ZRSR2: variants seen among roughly 807,000 people sequenced by gnomAD.
ZRSR2 encodes the protein U2 small nuclear ribonucleoprotein auxiliary factor 35 kDa subunit-related protein 2.
A neutral mutation model predicts 39.4 loss-of-function variants in ZRSR2; 3 were observed. The observed-to-expected ratio is 0.08, with a 90% confidence interval of 0.03 to 0.20. The LOEUF (loss-of-function observed/expected upper bound fraction) is 0.20, where lower values mean the gene tolerates loss of function less well. Ranked by LOEUF, ZRSR2 falls within the 10% of genes least tolerant of loss-of-function variation. The pLI is 1.00. For missense variants in ZRSR2, 256 were observed against 391.5 expected (o/e 0.65, Z 2.92); for synonymous variants, 137 against 136.0 (o/e 1.01, Z -0.05).
intron 6 of ZRSR2, among the ~76,000 whole-genome samples, chrX:15,808,607 T>C (rs1358657640): frequency 9.3e-6 from 1 of 107,964 alleles, no homozygotes; most frequent in South Asian, 4.0e-4. Flanking sequence ...CTTGGACCCT[T>C]TTTTTTCTCT....
intron 2 of ZRSR2, among the ~76,000 whole-genome samples, chrX:15,794,625 G>A (rs1014392697): frequency 9.0e-6 from 1 of 111,725 alleles, no homozygotes; most frequent in African/African-American, 3.3e-5. Context: ...AGGCCGAGGA[G>A]GAAGAGGATG....
intron 10 of ZRSR2, among the ~76,000 whole-genome samples, chrX:15,820,706 G>C (rs761626218): frequency 2.3e-4 from 26 of 112,274 alleles, no homozygotes; most frequent in South Asian, 3.7e-4. Flanking sequence ...CTGTTTGTTT[G>C]TTTCTTTCTT....
chrX:15,811,670 C>T (rs1002020112), intron 7 of ZRSR2, among the ~76,000 whole-genome samples: 3 of 112,091 alleles, frequency 2.7e-5, no homozygotes, highest in South Asian at 3.7e-4. Flanking sequence ...TTGTGATCCA[C>T]GTGCCTCGGC....
Position 15,790,597 on chromosome X carries a change from G to C in ZRSR2, c.41+61G>C, listed in dbSNP as rs1336368732. The C allele has an allele frequency of 4.4e-6, 5 of 1,137,675 alleles. No individual in the cohort carries two copies. The East Asian group carries it at 1.7e-4, about 38-fold the overall frequency. 93.8% of individuals were successfully genotyped at this position (1,137,675 alleles called of 1,213,427 possible). On this transcript the variant is annotated intron_variant, in intron 1 of 10. Coordinates refer to ENST00000307771, the MANE Select transcript of ZRSR2 (RefSeq NM_005089.4). ...GCCGATCGTGGGCATGGAGGATGTG[G>C]TGGCAGGAAGAAAAGAGAAGCTGGG... is the stretch of plus-strand genomic sequence containing the variant.
Position 15,823,244 on chromosome X carries a change from C to A in ZRSR2, c.*2C>A. On this transcript the variant is annotated 3_prime_UTR_variant, in exon 11 of 11. Coordinates refer to ENST00000307771, the MANE Select transcript of ZRSR2 (RefSeq NM_005089.4). Reference sequence around the variant, plus strand: ...GTTCAGAGTCCCAAATCCAAATAAACTAGTTTTGTTCTTAAATGATTGTAT... The same window carrying A: ...GTTCAGAGTCCCAAATCCAAATAAAATAGTTTTGTTCTTAAATGATTGTAT... The A allele has an allele frequency of 4.4e-6, 5 of 1,145,324 alleles. No homozygotes were observed. Among genetic ancestry groups the A allele is most frequent in the Non-Finnish European group, 5.8e-6 (5 of 864,834 alleles). 94.4% of individuals were successfully genotyped at this position (1,145,324 alleles called of 1,213,427 possible).
chrX:15,809,170 C>T (rs757981760), intron 6 of ZRSR2, 30 bp from the exon 7 acceptor site: 22 of 1,031,208 alleles, frequency 2.1e-5, no homozygotes, highest in Middle Eastern at 5.0e-4. Flanking sequence ...GTTTTTACTC[C>T]ACCAGTAAAG....
At chrX:15,817,372 A>G (rs1430017409) in intron 8 of ZRSR2, among the ~76,000 whole-genome samples, 1 of 111,869 alleles carries the variant, frequency 8.9e-6, no homozygotes, top group African/African-American at 3.2e-5. Context: ...GGATACCCTA[A>G]GAAAAATACT....
intron 6 of ZRSR2, among the ~76,000 whole-genome samples, chrX:15,808,522 G>C (rs1450465728): frequency 9.0e-6 from 1 of 111,234 alleles, no homozygotes; most frequent in South Asian, 3.8e-4. Flanking sequence ...ATCACATACC[G>C]TTAGCCTCCA....
intron 2 of ZRSR2, among the ~76,000 whole-genome samples, chrX:15,795,287 C>G (rs1483232642): frequency 1.8e-5 from 2 of 110,575 alleles, no homozygotes; most frequent in Admixed American, 9.7e-5. Flanking sequence ...TCTTGATACT[C>G]TCTGTATTAG....
At chrX:15,791,364 TATTA>T (rs1268399231) in intron 2 of ZRSR2, among the ~76,000 whole-genome samples, 1 of 112,465 alleles carries the variant, frequency 8.9e-6, no homozygotes, top group African/African-American at 3.2e-5. Context: ...GAGTTGAAGG[TATTA>T]ATTAGACGTT....
At chrX:15,796,756 G>A (rs1382974540) in intron 2 of ZRSR2, among the ~76,000 whole-genome samples, 4 of 98,550 alleles carry the variant, frequency 4.1e-5, no homozygotes, top group African/African-American at 1.5e-4. Context: ...AGAATGGAAT[G>A]AAGTCAGAGA....
At chrX:15,796,027 T>C (rs1026461745) in intron 2 of ZRSR2, among the ~76,000 whole-genome samples, 2 of 110,296 alleles carry the variant, frequency 1.8e-5, no homozygotes, top group African/African-American at 6.6e-5. Flanking sequence ...TTTTCTTTTT[T>C]GTTTTTTGTT....
At chrX:15,813,402 C>A (rs1347235259) in intron 7 of ZRSR2, among the ~76,000 whole-genome samples, 1 of 112,278 alleles carries the variant, frequency 8.9e-6, no homozygotes, top group Non-Finnish European at 1.9e-5. Flanking sequence ...AATCTCAGTT[C>A]TTTCCAGGTA....
At chrX:15,811,442 T>TC (rs1932881187) in intron 7 of ZRSR2, among the ~76,000 whole-genome samples, 2 of 108,727 alleles carry the variant, frequency 1.8e-5, no homozygotes, top group African/African-American at 6.6e-5. Flanking sequence ...CCTTTTTTTT[T>TC]TGAGACGGAG....
intron 3 of ZRSR2, 37 bp from the exon 4 acceptor site, chrX:15,803,651 C>T (rs1465561981): frequency 2.6e-6 from 3 of 1,163,796 alleles, no homozygotes; most frequent in East Asian, 6.3e-5. Flanking sequence ...GGATTAATGC[C>T]CATTTCTTTT....
Position 15,796,676 on chromosome X carries a change from G to A in ZRSR2, c.122-3196G>A, listed in dbSNP as rs192892672. Among the ~76,000 whole-genome samples, 451 of 107,126 alleles carry A rather than the reference G, an allele frequency of 4.2e-3. 2 individuals carry two copies. Among genetic ancestry groups the A allele is most frequent in the African/African-American group, 0.015 (434 of 29,428 alleles). 93.0% of individuals were successfully genotyped at this position (107,126 alleles called of 115,157 possible). On this transcript the variant is annotated intron_variant, in intron 2 of 10. Transcript: ENST00000307771. ...TTTAACTTTAAAAAAAGTTGTCAAT[G>A]ATTATGTTGTAGCACAACTTTTATA...
Position 15,799,149 on chromosome X carries a change from G to T in ZRSR2, c.122-723G>T, listed in dbSNP as rs192315426. ...TGCAGTGAGCCAAGATCGCGCCATTGCACTCCAGCCTGGCGACAGAGCAAG... is the reference window on the plus strand; with the variant it reads ...TGCAGTGAGCCAAGATCGCGCCATTTCACTCCAGCCTGGCGACAGAGCAAG... On this transcript the variant is annotated intron_variant, in intron 2 of 10. Transcript: ENST00000307771. Among the ~76,000 whole-genome samples, 599 of 102,220 alleles carry T rather than the reference G, an allele frequency of 5.9e-3. 5 individuals are homozygous for T. The highest frequency in any genetic ancestry group is 0.021 in the African/African-American group (567 of 27,598). 88.8% of individuals were successfully genotyped at this position (102,220 alleles called of 115,157 possible).
At position 15,804,238 on chromosome X, in the gene ZRSR2, G is replaced by A. The variant is rs755224321; in HGVS notation, c.399+41G>A. 1.2e-4 allele frequency: 134 copies of A among 1,136,357 alleles called. 1 individual carries two copies. In the South Asian group the frequency reaches 2.7e-3, roughly 23 times the overall value. The allele number at this position is 1,136,357 out of a possible 1,213,427, so 93.6% of individuals were successfully genotyped here. ...GGATGTGCTGTGTGATGAGTTTGAAGAATAATCAGTAGGCATGTCAGAGTT... is the reference window on the plus strand; with the variant it reads ...GGATGTGCTGTGTGATGAGTTTGAAAAATAATCAGTAGGCATGTCAGAGTT... On this transcript the variant is annotated intron_variant, in intron 5 of 10. Coordinates refer to ENST00000307771, the MANE Select transcript of ZRSR2 (RefSeq NM_005089.4).
intron 7 of ZRSR2, among the ~76,000 whole-genome samples, chrX:15,815,195 G>A (rs1932945779): frequency 8.9e-6 from 1 of 112,833 alleles, no homozygotes; most frequent in African/African-American, 3.2e-5. Context: ...ATCCTCTTAA[G>A]CGCTGAAACT....
Sources: gnomAD v4.1 joint callset for allele counts (sites outside exome capture counted in the v4.1 genomes callset) on GRCh38, gnomAD v4.1.1 for gene constraint, MANE v1.5 for transcripts, NCBI Gene and HGNC (gene_info 2026-07-23, HGNC 2026-07-21) for gene names.